STIM1: variants seen among roughly 807,000 people sequenced by gnomAD.
STIM1 encodes the protein stromal interaction molecule 1.
In STIM1, 25 loss-of-function variants were observed where a neutral mutation model predicts 74.7. The ratio of observed to expected loss-of-function variants is 0.33; its 90% CI spans 0.24 to 0.47. STIM1 has a LOEUF of 0.47. Ranked by LOEUF, STIM1 falls within the 20% of genes least tolerant of loss-of-function variation. STIM1 has a pLI of 1.00. For synonymous variants in STIM1, 328 were observed against 348.8 expected (o/e 0.94, Z 0.66); for missense variants, 728 against 920.8 (o/e 0.79, Z 2.71).
intron 1 of STIM1, among the ~76,000 whole-genome samples, chr11:3,931,857 T>G (rs1205554437): frequency 1.3e-5 from 2 of 152,064 alleles, no homozygotes; most frequent in East Asian, 3.9e-4. Flanking sequence ...TTTCTATAAG[T>G]AATATCTGAG....
intron 2 of STIM1, among the ~76,000 whole-genome samples, chr11:4,022,597 T>A (rs937329256): frequency 3.3e-5 from 5 of 152,202 alleles, no homozygotes; most frequent in Admixed American, 2.0e-4. Flanking sequence ...ATATATTAGA[T>A]GTGGGTTTGT....
chr11:3,882,623 C>T (rs960152310), intron 1 of STIM1, among the ~76,000 whole-genome samples: 12 of 152,138 alleles, frequency 7.9e-5, no homozygotes, highest in Non-Finnish European at 4.4e-5. Context: ...TATGTGTGTA[C>T]ATGTACCTGT....
At chr11:3,896,354 G>A (rs1430731590) in intron 1 of STIM1, among the ~76,000 whole-genome samples, 1 of 152,158 alleles carries the variant, frequency 6.6e-6, no homozygotes, top group African/African-American at 2.4e-5. Context: ...CTATTTTAAT[G>A]TTAGGGAAGC....
At chr11:3,959,881 C>T (rs1481321821) in intron 1 of STIM1, among the ~76,000 whole-genome samples, 1 of 152,104 alleles carries the variant, frequency 6.6e-6, no homozygotes, top group African/African-American at 2.4e-5. Context: ...GTAGGTAAAA[C>T]TGCTGGCACC....
intron 2 of STIM1, among the ~76,000 whole-genome samples, chr11:3,999,173 C>T (rs2093689028): frequency 6.6e-6 from 1 of 152,116 alleles, no homozygotes; most frequent in South Asian, 2.1e-4. Context: ...TGGTAAGACC[C>T]TGTCTCTACA....
intron 2 of STIM1, among the ~76,000 whole-genome samples, chr11:4,002,365 A>G (rs1297009749): frequency 6.6e-6 from 1 of 152,264 alleles, no homozygotes. Context: ...AATGTAAAAG[A>G]TCAGACATTA....
intron 2 of STIM1, among the ~76,000 whole-genome samples, chr11:4,006,402 T>G (rs73429636): frequency 0.013 from 1,904 of 152,212 alleles, 44 homozygotes; most frequent in African/African-American, 0.044. Context: ...GTCTCAGGTA[T>G]TTCTTTTTTT....
intron 12 of STIM1, among the ~76,000 whole-genome samples, chr11:4,091,081 T>C (rs1033706574): frequency 6.6e-6 from 1 of 152,080 alleles, no homozygotes; most frequent in Non-Finnish European, 1.5e-5. Context: ...CCTATACTTA[T>C]GGCTGCTCAA....
At chr11:3,862,667 C>T (rs369563421) in intron 1 of STIM1, among the ~76,000 whole-genome samples, 1 of 151,678 alleles carries the variant, frequency 6.6e-6, no homozygotes. Flanking sequence ...AGGATGGTCT[C>T]GATCTCCTGA....
chr11:3,956,815 C>G (rs1380051410), intron 1 of STIM1, among the ~76,000 whole-genome samples: 1 of 117,374 alleles, frequency 8.5e-6, no homozygotes, highest in African/African-American at 3.1e-5. Flanking sequence ...AGAGCAAGAC[C>G]CTGTCTCCAA....
At chr11:3,989,409 C>G (rs900333903) in intron 2 of STIM1, 8 of 747,958 alleles carry the variant, frequency 1.1e-5, no homozygotes, top group African/African-American at 1.0e-4. Flanking sequence ...CCGATCTCCT[C>G]TTGGGCTCTT....
chr11:3,914,789 A>C (rs546520489), intron 1 of STIM1, among the ~76,000 whole-genome samples: 1 of 152,168 alleles, frequency 6.6e-6, no homozygotes, highest in South Asian at 2.1e-4. Context: ...GTAGAATTGT[A>C]TGGTAGCTTT....
intron 1 of STIM1, among the ~76,000 whole-genome samples, chr11:3,925,928 G>T (rs558730082): frequency 1.3e-5 from 2 of 152,266 alleles, no homozygotes; most frequent in South Asian, 4.1e-4. Flanking sequence ...AATCCATACA[G>T]TATTCTAAGT....
At chr11:3,982,907 G>T (rs191949861) in intron 2 of STIM1, among the ~76,000 whole-genome samples, 1 of 152,222 alleles carries the variant, frequency 6.6e-6, no homozygotes, top group Non-Finnish European at 1.5e-5. Flanking sequence ...CACTTTGAAA[G>T]TCATGTTGAT....
chr11:3,927,907 T>C (rs2092807984), intron 1 of STIM1, among the ~76,000 whole-genome samples: 1 of 152,228 alleles, frequency 6.6e-6, no homozygotes, highest in Non-Finnish European at 1.5e-5. Context: ...CCTGTGGATA[T>C]AGCAGCTACA....
At chr11:3,870,557 C>T (rs1167867727) in intron 1 of STIM1, among the ~76,000 whole-genome samples, 1 of 151,712 alleles carries the variant, frequency 6.6e-6, no homozygotes, top group African/African-American at 2.4e-5. Flanking sequence ...AGTGCAGTGG[C>T]ACCATCACAG....
intron 2 of STIM1, among the ~76,000 whole-genome samples, chr11:3,968,760 A>C (rs768866680): frequency 8.5e-5 from 13 of 152,240 alleles, no homozygotes; most frequent in Non-Finnish European, 1.8e-4. Flanking sequence ...CATAAGAAGT[A>C]AATCAATCAG....
intron 3 of STIM1, among the ~76,000 whole-genome samples, chr11:4,049,911 A>G (rs1233797602): frequency 2.0e-5 from 3 of 152,102 alleles, no homozygotes; most frequent in Non-Finnish European, 2.9e-5. Flanking sequence ...TGGGATATCT[A>G]CTTCATATGA....
intron 1 of STIM1, 150 bp from the exon 2 acceptor site, chr11:3,967,402 C>A (rs1315738281): frequency 1.8e-6 from 2 of 1,116,950 alleles, no homozygotes; most frequent in African/African-American, 1.5e-5. Flanking sequence ...CAGTTACAGT[C>A]TAGATGAAAC....
Sources: gnomAD v4.1 joint callset for allele counts (sites outside exome capture counted in the v4.1 genomes callset) on GRCh38, gnomAD v4.1.1 for gene constraint, MANE v1.5 for transcripts, NCBI Gene and HGNC (gene_info 2026-07-23, HGNC 2026-07-21) for gene names.